Variants in COMMD1 observed in about 807,000 individuals in gnomAD.
COMMD1 encodes COMM domain-containing protein 1.
A neutral mutation model predicts 17.2 loss-of-function variants in COMMD1; 10 were observed. The ratio of observed to expected loss-of-function variants is 0.58; its 90% CI spans 0.36 to 0.99. The LOEUF (loss-of-function observed/expected upper bound fraction) is 0.99, where lower values mean the gene tolerates loss of function less well. COMMD1 is among the 50% of genes least tolerant of loss of function. The pLI is 0.01. For missense variants in COMMD1, 270 were observed against 231.8 expected (o/e 1.17, Z -1.07); for synonymous variants, 97 against 91.6 (o/e 1.06, Z -0.34).
intron 1 of COMMD1, among the ~76,000 whole-genome samples, chr2:61,910,998 A>G (rs1204282750): frequency 1.3e-5 from 2 of 151,446 alleles, no homozygotes; most frequent in East Asian, 3.9e-4. Flanking sequence ...TGGGAGAATC[A>G]CTTGAACCCG....
At chr2:61,904,205 G>T (rs1669718951), upstream of COMMD1, among the ~76,000 whole-genome samples, 1 of 151,932 alleles carries the variant, frequency 6.6e-6, no homozygotes, top group African/African-American at 2.4e-5. Context: ...TAGAGATGGG[G>T]TTTCACCGTG....
At chr2:62,035,051 T>G (rs180808085) in intron 2 of COMMD1, among the ~76,000 whole-genome samples, 1 of 152,336 alleles carries the variant, frequency 6.6e-6, no homozygotes, top group Non-Finnish European at 1.5e-5. Context: ...GGGATATGAT[T>G]TCAGTATTTG....
chr2:62,075,030 C>T (rs1166483700), intron 2 of COMMD1, among the ~76,000 whole-genome samples: 4 of 151,740 alleles, frequency 2.6e-5, no homozygotes, highest in African/African-American at 9.7e-5. Flanking sequence ...GCTGGAACTA[C>T]AGGTGCACGC....
At chr2:62,116,653 C>CA (rs1672612440) in intron 2 of COMMD1, among the ~76,000 whole-genome samples, 2 of 116,080 alleles carry the variant, frequency 1.7e-5, no homozygotes, top group African/African-American at 3.5e-5. Flanking sequence ...GCCTGGGCGA[C>CA]AGAGCGAGAC....
intron 2 of COMMD1, among the ~76,000 whole-genome samples, chr2:62,046,712 G>GTTTTGAGGAAAGAACA (rs1670394539): frequency 6.6e-6 from 1 of 152,202 alleles, no homozygotes; most frequent in Admixed American, 6.5e-5. Context: ...GCAGATGGCA[G>GTTTTGAGGAAAGAACA]TTTTGAGGAA....
chr2:62,115,898 A>G (rs1441463780), intron 2 of COMMD1, among the ~76,000 whole-genome samples: 1 of 125,652 alleles, frequency 8.0e-6, no homozygotes, highest in East Asian at 2.2e-4. Context: ...TCTTGCTGTC[A>G]CCTAGACAGG....
upstream of COMMD1, among the ~76,000 whole-genome samples, chr2:61,901,098 C>T (rs1669646498): frequency 6.6e-6 from 1 of 151,870 alleles, no homozygotes; most frequent in Non-Finnish European, 1.5e-5. Flanking sequence ...AGGCACCTGC[C>T]ACCGCACCCA....
intron 2 of COMMD1, among the ~76,000 whole-genome samples, chr2:62,032,683 C>T (rs1329961980): frequency 2.6e-5 from 4 of 152,074 alleles, no homozygotes; most frequent in Non-Finnish European, 5.9e-5. Flanking sequence ...TATAGATTTC[C>T]CCCTTGCTGC....
intron 1 of COMMD1, among the ~76,000 whole-genome samples, chr2:61,938,794 A>G (rs1670664751): frequency 6.6e-6 from 1 of 152,208 alleles, no homozygotes; most frequent in South Asian, 2.1e-4. Context: ...TAAGAATACC[A>G]TAATTTTGGT....
At chr2:62,086,736 T>C (rs1285712996) in intron 2 of COMMD1, among the ~76,000 whole-genome samples, 1 of 152,206 alleles carries the variant, frequency 6.6e-6, no homozygotes. Context: ...AACTAGACAG[T>C]GAACCTAGGA....
At chr2:62,133,585 G>A (rs1283317137) in intron 2 of COMMD1, among the ~76,000 whole-genome samples, 4 of 151,908 alleles carry the variant, frequency 2.6e-5, no homozygotes, top group East Asian at 1.9e-4. Flanking sequence ...GAGGCAGTTA[G>A]ACTTGAAAGC....
At chr2:62,031,606 A>T (rs993754202) in intron 2 of COMMD1, among the ~76,000 whole-genome samples, 1 of 152,110 alleles carries the variant, frequency 6.6e-6, no homozygotes, top group African/African-American at 2.4e-5. Context: ...GGTATCTGTC[A>T]TCTTACATTG....
intron 1 of COMMD1, among the ~76,000 whole-genome samples, chr2:61,952,020 T>C (rs1558534010): frequency 6.6e-6 from 1 of 152,234 alleles, no homozygotes; most frequent in Non-Finnish European, 1.5e-5. Flanking sequence ...ATAAGGCTGG[T>C]ATGACCATTT....
rs1195801301 is a variant in COMMD1 at position 61,925,958 on chromosome 2, TTTTTTGTTTTTTGTTTTTG to T, written c.180+20112_180+20130del. Among the ~76,000 whole-genome samples the T allele has an allele frequency of 3.1e-4, 47 of 151,404 alleles. 1 individual carries two copies. The highest frequency in any genetic ancestry group is 1.0e-3 in the African/African-American group (43 of 41,200). The stretch of plus-strand genomic sequence containing the variant: ...TTGCAGAGTTAGTGTTTTTTTTTTG[TTTTTTGTTTTTTGTTTTTG>T]TTTTTGTTTTTGAGACGGACTCTTG... On this transcript the variant is annotated intron_variant, in intron 1 of 2. Coordinates refer to ENST00000311832, the MANE Select transcript of COMMD1 (RefSeq NM_152516.4).
intron 2 of COMMD1, among the ~76,000 whole-genome samples, chr2:62,052,607 A>C (rs1670567390): frequency 6.6e-6 from 1 of 152,182 alleles, no homozygotes; most frequent in Non-Finnish European, 1.5e-5. Context: ...ACATATTCAC[A>C]TAATCTCTCT....
intron 1 of COMMD1, among the ~76,000 whole-genome samples, chr2:61,947,370 A>T (rs1670934394): frequency 6.6e-6 from 1 of 152,074 alleles, no homozygotes; most frequent in Non-Finnish European, 1.5e-5. Flanking sequence ...TGAGCAAATA[A>T]TTTTTTCTTT....
chr2:62,006,874 A>T, intron 2 of COMMD1, among the ~76,000 whole-genome samples: 1 of 152,162 alleles, frequency 6.6e-6, no homozygotes, highest in East Asian at 1.9e-4. Flanking sequence ...ATGGTAATTT[A>T]TACCTTCAGT....
intron 2 of COMMD1, among the ~76,000 whole-genome samples, chr2:62,068,879 G>A (rs1384998551): frequency 6.6e-6 from 1 of 151,916 alleles, no homozygotes; most frequent in African/African-American, 2.4e-5. Flanking sequence ...CTGACCTCGT[G>A]ATTCACCCGC....
intron 2 of COMMD1, among the ~76,000 whole-genome samples, chr2:62,012,641 G>C (rs780539760): frequency 2.0e-5 from 3 of 152,022 alleles, no homozygotes; most frequent in Non-Finnish European, 2.9e-5. Flanking sequence ...TTTAGTACAA[G>C]TCCCTAGTGA....
Sources: gnomAD v4.1 joint callset for allele counts (sites outside exome capture counted in the v4.1 genomes callset) on GRCh38, gnomAD v4.1.1 for gene constraint, MANE v1.5 for transcripts, NCBI Gene and HGNC (gene_info 2026-07-23, HGNC 2026-07-21) for gene names.